The following CTNNA2 variants were observed in gnomAD, a reference collection of about 807,000 sequenced individuals.
CTNNA2 encodes catenin alpha-2.
CTNNA2 carries 42 observed loss-of-function variants against 101.0 expected under a neutral mutation model. That is an observed-to-expected ratio of 0.42 (90% CI 0.32 to 0.54). The LOEUF is 0.54. Ranked by LOEUF, CTNNA2 falls within the 20% of genes least tolerant of loss-of-function variation. CTNNA2 has a pLI of 0.14. For synonymous variants in CTNNA2, 450 were observed against 456.4 expected (o/e 0.99, Z 0.18); for missense variants, 871 against 1,223.1 (o/e 0.71, Z 4.29).
At chr2:80,044,404 TGCATC>T (rs1696379528) in intron 7 of CTNNA2, among the ~76,000 whole-genome samples, 1 of 152,096 alleles carries the variant, frequency 6.6e-6, no homozygotes, top group Non-Finnish European at 1.5e-5. Flanking sequence ...AAATGCTAAA[TGCATC>T]CAGGATACTG....
At chr2:80,333,767 GT>G (rs1160768929) in intron 7 of CTNNA2, among the ~76,000 whole-genome samples, 2 of 152,188 alleles carry the variant, frequency 1.3e-5, no homozygotes, top group African/African-American at 4.8e-5. Flanking sequence ...GGGATTGCAG[GT>G]GCGCACCATC....
chr2:80,289,537 T>C (rs1380035262), intron 7 of CTNNA2, among the ~76,000 whole-genome samples: 1 of 152,222 alleles, frequency 6.6e-6, no homozygotes. Flanking sequence ...CCTGAGGCTA[T>C]TTTTATAAAC....
intron 4 of CTNNA2, among the ~76,000 whole-genome samples, chr2:79,862,610 GATTT>G (rs1418125261): frequency 1.3e-5 from 2 of 152,098 alleles, no homozygotes; most frequent in Non-Finnish European, 2.9e-5. Context: ...CATTGTTCAT[GATTT>G]ATTTATTTAT....
At position 79,679,200 on chromosome 2, in the gene CTNNA2, A is replaced by G. The variant is rs139983478; in HGVS notation, c.102+27542A>G. ...AGTGGGTTTTCCTGGTGTATCTAAA[A>G]TATAGTTTAACTTTCTTTAAATTAT... On this transcript the variant is annotated intron_variant, in intron 2 of 18. Coordinates refer to ENST00000402739, the MANE Select transcript of CTNNA2 (RefSeq NM_001282597.3). 1.2e-4 allele frequency among the ~76,000 whole-genome samples: 18 copies of G among 152,328 alleles called. No individual in the cohort carries two copies. In the East Asian group the frequency reaches 3.5e-3, roughly 29 times the overall value.
chr2:80,540,553 T>G (rs956660257), intron 9 of CTNNA2, among the ~76,000 whole-genome samples: 1 of 150,578 alleles, frequency 6.6e-6, no homozygotes, highest in Non-Finnish European at 1.5e-5. Context: ...GCTGAGATCT[T>G]GCTGCTGCAC....
At chr2:79,707,472 A>C (rs2104790894) in intron 2 of CTNNA2, among the ~76,000 whole-genome samples, 1 of 152,316 alleles carries the variant, frequency 6.6e-6, no homozygotes, top group East Asian at 1.9e-4. Flanking sequence ...ACAACCCAAC[A>C]GATGTAGCTT....
At chr2:80,418,274 A>G (rs1326314143) in intron 8 of CTNNA2, among the ~76,000 whole-genome samples, 1 of 152,228 alleles carries the variant, frequency 6.6e-6, no homozygotes, top group Non-Finnish European at 1.5e-5. Flanking sequence ...TATAAGAATC[A>G]TTCCTATCTA....
chr2:80,424,087 C>T (rs1680771429), intron 9 of CTNNA2, among the ~76,000 whole-genome samples: 1 of 152,190 alleles, frequency 6.6e-6, no homozygotes, highest in South Asian at 2.1e-4. Flanking sequence ...TCCCAAGTAG[C>T]TTGGATTACA....
intron 7 of CTNNA2, among the ~76,000 whole-genome samples, chr2:79,953,396 G>A (rs923973870): frequency 6.6e-6 from 1 of 152,168 alleles, no homozygotes; most frequent in Non-Finnish European, 1.5e-5. Flanking sequence ...GTACGCCTGA[G>A]TTCACACTCC....
intron 2 of CTNNA2, among the ~76,000 whole-genome samples, chr2:79,709,843 C>A (rs1211190772): frequency 6.6e-6 from 1 of 151,934 alleles, no homozygotes; most frequent in Non-Finnish European, 1.5e-5. Context: ...GTATTGCAGC[C>A]CCTTTTGTGA....
chr2:79,316,802 T>C (rs535003770), intron 3 of CTNNA2, among the ~76,000 whole-genome samples: 2 of 152,088 alleles, frequency 1.3e-5, no homozygotes, highest in African/African-American at 4.8e-5. Context: ...ATAGTTCTCT[T>C]GTGAATTTCA....
chr2:80,034,489 G>C (rs971590091), intron 7 of CTNNA2, among the ~76,000 whole-genome samples: 2 of 151,896 alleles, frequency 1.3e-5, no homozygotes, highest in African/African-American at 2.4e-5. Context: ...AAGTAGCTGG[G>C]ACTACAGGCA....
At chr2:80,106,690 T>C (rs1432751543) in intron 7 of CTNNA2, among the ~76,000 whole-genome samples, 1 of 152,128 alleles carries the variant, frequency 6.6e-6, no homozygotes, top group Non-Finnish European at 1.5e-5. Flanking sequence ...GTTCTCCGAT[T>C]AACAATTCTT....
intron 3 of CTNNA2, among the ~76,000 whole-genome samples, chr2:79,335,568 A>G (rs1676975664): frequency 6.6e-6 from 1 of 152,222 alleles, no homozygotes; most frequent in Non-Finnish European, 1.5e-5. Flanking sequence ...CCTTTTGAAA[A>G]GTCCCAAAAG....
chr2:80,124,901 T>C (rs1702032354), intron 7 of CTNNA2, among the ~76,000 whole-genome samples: 1 of 152,000 alleles, frequency 6.6e-6, no homozygotes, highest in Admixed American at 6.6e-5. Flanking sequence ...AGCAGGAGAA[T>C]GAATAGACTT....
At chr2:80,029,662 T>TA (rs1424806888) in intron 7 of CTNNA2, among the ~76,000 whole-genome samples, 3 of 150,582 alleles carry the variant, frequency 2.0e-5, no homozygotes, top group Non-Finnish European at 4.4e-5. Context: ...TTTTTTTTTT[T>TA]AACAATTCAC....
At chr2:79,793,760 A>C (rs11890375) in intron 3 of CTNNA2, among the ~76,000 whole-genome samples, 1 of 152,168 alleles carries the variant, frequency 6.6e-6, no homozygotes, top group Non-Finnish European at 1.5e-5. Flanking sequence ...TCTTGGGCCA[A>C]CCCAAATTAT....
In CTNNA2 at chr2:79,930,783, G is replaced by A. The variant is rs1197058443; in HGVS notation, c.1056+20986G>A. ...GTCAACTCTAGTATGATTTCTTTAA[G>A]CATCAAATTAATATTTTACTTCTTA... On this transcript the variant is annotated intron_variant, in intron 7 of 18. Transcript: ENST00000402739. Among the ~76,000 whole-genome samples, 4 of 152,308 alleles carry A rather than the reference G, an allele frequency of 2.6e-5. No individual in the cohort carries two copies. The South Asian group carries it at 8.3e-4, about 32-fold the overall frequency.
chr2:79,261,440 G>T (rs1350905473), intron 2 of CTNNA2, among the ~76,000 whole-genome samples: 2 of 152,334 alleles, frequency 1.3e-5, no homozygotes, highest in East Asian at 1.9e-4. Flanking sequence ...CAAAGTTGGT[G>T]TATTCATCTG....
Sources: allele counts gnomAD v4.1 joint callset (sites outside exome capture counted in the v4.1 genomes callset), GRCh38; gene constraint gnomAD v4.1.1; transcripts MANE v1.5; gene names NCBI Gene and HGNC (gene_info 2026-07-23, HGNC 2026-07-21).